The following ZNF98 variants were observed in gnomAD, a reference collection of about 807,000 sequenced individuals.
ZNF98 encodes zinc finger protein 98, also known as zinc finger protein 739.
In ZNF98, 8 loss-of-function variants were observed where a neutral mutation model predicts 12.8. The observed-to-expected ratio is 0.63, with a 90% CI of 0.37 to 1.13. The LOEUF (loss-of-function observed/expected upper bound fraction) is 1.13, where lower values mean the gene tolerates loss of function less well. Ranked by LOEUF, ZNF98 falls within the 50% of genes most tolerant of loss-of-function variation. The pLI, the probability that ZNF98 is intolerant of heterozygous loss-of-function variation, is 0.01. For synonymous variants in ZNF98, 112 were observed against 223.5 expected (o/e 0.50, Z 4.45); for missense variants, 379 against 666.1 (o/e 0.57, Z 4.74).
intron 1 of ZNF98, among the ~76,000 whole-genome samples, chr19:22,414,188 C>A (rs1318505520): frequency 7.7e-6 from 1 of 130,054 alleles, no homozygotes; most frequent in Non-Finnish European, 1.5e-5. Flanking sequence ...GAACCAAAAT[C>A]ATGCCACTGC....
At chr19:22,416,108 C>G (rs150671994) in intron 1 of ZNF98, among the ~76,000 whole-genome samples, 2 of 150,790 alleles carry the variant, frequency 1.3e-5, no homozygotes, top group Admixed American at 1.3e-4. Flanking sequence ...CGTGTCACTG[C>G]ACTCCAGCCT....
chr19:22,407,578 G>C (rs1452583014), intron 1 of ZNF98, among the ~76,000 whole-genome samples: 1 of 151,436 alleles, frequency 6.6e-6, no homozygotes, highest in Non-Finnish European at 1.5e-5. Context: ...TGGGTGTGGT[G>C]GCTCACGCCT....
At chr19:22,417,622 C>G (rs1969660012) in intron 1 of ZNF98, among the ~76,000 whole-genome samples, 1 of 151,992 alleles carries the variant, frequency 6.6e-6, no homozygotes. Flanking sequence ...ACAGGTGGTC[C>G]AGAACCCTCA....
chr19:22,404,562 G>GT (rs1217938167), intron 1 of ZNF98, among the ~76,000 whole-genome samples: 25 of 152,322 alleles, frequency 1.6e-4, no homozygotes, highest in African/African-American at 5.8e-4. Context: ...AACCAAGTGA[G>GT]TTATTAACAT....
Position 22,392,988 on chromosome 19 carries a change from G to T in ZNF98, c.254-7C>A, listed in dbSNP as rs1444623987. On this transcript the variant is annotated splice_region_variant and splice_polypyrimidine_tract_variant and intron_variant, in intron 3 of 3. Transcript: ENST00000357774. ...GCAAAATAAGAATATACAACTGAAA[G>T]AAATAAAAATAATAAATTACTTCAC... 2.4e-5 allele frequency: 35 copies of T among 1,482,002 alleles called. No homozygotes were observed. Among genetic ancestry groups the T allele is most frequent in the Middle Eastern group, 1.8e-4 (1 of 5,572 alleles). The allele number at this position is 1,482,002 out of a possible 1,614,324, so 91.8% of individuals were successfully genotyped here.
intron 1 of ZNF98, among the ~76,000 whole-genome samples, chr19:22,421,643 T>A (rs1969705402): frequency 6.6e-6 from 1 of 152,196 alleles, no homozygotes; most frequent in Non-Finnish European, 1.5e-5. Context: ...AACCGATTAC[T>A]GAATTTGGGT....
At chr19:22,395,542 A>G (rs200861979) in intron 3 of ZNF98, among the ~76,000 whole-genome samples, 173 of 146,774 alleles carry the variant, frequency 1.2e-3, no homozygotes, top group Middle Eastern at 3.5e-3. Flanking sequence ...ACTGTAGAAA[A>G]TCACAAAAAT....
chr19:22,396,047 T>A (rs1196151876), intron 3 of ZNF98, among the ~76,000 whole-genome samples: 1 of 149,876 alleles, frequency 6.7e-6, no homozygotes, highest in Non-Finnish European at 1.5e-5. Context: ...GTAAAAGTAT[T>A]AAAAAAAAAC....
At chr19:22,409,662 A>G (rs1969559281) in intron 1 of ZNF98, among the ~76,000 whole-genome samples, 1 of 152,068 alleles carries the variant, frequency 6.6e-6, no homozygotes, top group African/African-American at 2.4e-5. Flanking sequence ...CTGTCATCCC[A>G]CCACTTTCGG....
At chr19:22,413,618 C>T (rs1179109030) in intron 1 of ZNF98, among the ~76,000 whole-genome samples, 1 of 152,018 alleles carries the variant, frequency 6.6e-6, no homozygotes, top group African/African-American at 2.4e-5. Context: ...CACCTGTAAT[C>T]CCAGCACTTT....
intron 1 of ZNF98, among the ~76,000 whole-genome samples, chr19:22,415,964 C>CACACAT (rs1350537878): frequency 2.8e-5 from 4 of 143,872 alleles, no homozygotes; most frequent in Admixed American, 7.1e-5. Context: ...CAGACACACA[C>CACACAT]ACACACACAC....
At chr19:22,414,995 A>G (rs1478328407) in intron 1 of ZNF98, among the ~76,000 whole-genome samples, 1 of 152,214 alleles carries the variant, frequency 6.6e-6, no homozygotes, top group African/African-American at 2.4e-5. Context: ...ACAAAGGTCC[A>G]ATATCCATAA....
intron 3 of ZNF98, among the ~76,000 whole-genome samples, chr19:22,395,805 A>T (rs897025465): frequency 6.6e-6 from 1 of 152,056 alleles, no homozygotes; most frequent in Non-Finnish European, 1.5e-5. Context: ...CTTATGATAT[A>T]ACCAGTGAAT....
chr19:22,400,907 C>T (rs1283941899), intron 3 of ZNF98, among the ~76,000 whole-genome samples: 3 of 144,378 alleles, frequency 2.1e-5, no homozygotes, highest in Non-Finnish European at 3.0e-5. Context: ...GAGCCGAGGC[C>T]GCGCCACTGC....
chr19:22,392,881 T>G lies in ZNF98; in HGVS notation c.354A>C (p.Glu118Asp). Residue 118 changes from glutamate (E) to aspartate (D), a missense_variant, in exon 4 of 4, where the codon GAA (glutamate) becomes GAC (aspartate). Glu to Asp is a conservative substitution (Grantham distance 45). This residue lies in a region of ZNF98 where 223 missense variants were observed against 261.6 expected (regional missense o/e 0.85). Coordinates refer to ENST00000357774, the MANE Select transcript of ZNF98 (RefSeq NM_001098626.2). ...ILRTYKKCGR[E>D]NLQLRKYCKS... ...TACAGTATTTTCTTAACTGTAAATT[T>G]TCACGTCCACATTTTTTATATGTTC... 2 of 1,608,072 alleles carry G rather than the reference T, an allele frequency of 1.2e-6. No individual in the cohort carries two copies. The highest frequency in any genetic ancestry group is 4.5e-5 in the East Asian group (2 of 44,820).
chr19:22,392,979 C>A lies in ZNF98; in HGVS notation c.256G>T (p.Val86Leu). The A allele has an allele frequency of 6.7e-7, 1 of 1,500,504 alleles. No individual in the cohort carries two copies. Among genetic ancestry groups the A allele is most frequent in the Non-Finnish European group, 8.9e-7 (1 of 1,129,340 alleles). 92.9% of individuals were successfully genotyped at this position (1,500,504 alleles called of 1,614,324 possible). ...RHEMVTEPPVVYSYFAQDLWP... is the reference protein window; with the variant it reads ...RHEMVTEPPVLYSYFAQDLWP... ...AGGTCTTGGGCAAAATAAGAATATA[C>A]AACTGAAAGAAATAAAAATAATAAA... The change falls in exon 4 of 4, where the codon GTA (valine) becomes TTA (leucine). Residue 86 changes from valine to leucine, a missense_variant and splice_region_variant. By Grantham distance (32) the Val-to-Leu change is conservative. This residue lies in a region of ZNF98 where 223 missense variants were observed against 261.6 expected (regional missense o/e 0.85). Coordinates refer to ENST00000357774, the MANE Select transcript of ZNF98 (RefSeq NM_001098626.2).
chr19:22,410,814 T>A (rs2145119104), intron 1 of ZNF98, among the ~76,000 whole-genome samples: 1 of 152,212 alleles, frequency 6.6e-6, no homozygotes, highest in East Asian at 1.9e-4. Context: ...TTTAAATAAG[T>A]CCCGTCAAGG....
chr19:22,417,449 A>G (rs1969658233), intron 1 of ZNF98, among the ~76,000 whole-genome samples: 1 of 152,092 alleles, frequency 6.6e-6, no homozygotes, highest in African/African-American at 2.4e-5. Context: ...ACAAACCTGC[A>G]TGTGTACCCC....
chr19:22,410,054 TA>T (rs1461344445), intron 1 of ZNF98, among the ~76,000 whole-genome samples: 4 of 151,860 alleles, frequency 2.6e-5, no homozygotes, highest in Non-Finnish European at 5.9e-5. Flanking sequence ...CACAATGAGA[TA>T]CCATCTCACA....
Sources: gnomAD v4.1 joint callset for allele counts (sites outside exome capture counted in the v4.1 genomes callset) on GRCh38, gnomAD v4.1.1 for gene constraint, gnomAD v4.1.1 regional missense constraint, MANE v1.5 for transcripts, NCBI Gene and HGNC (gene_info 2026-07-23, HGNC 2026-07-21) for gene names.